The following BRINP1 variants were observed in gnomAD, a reference collection of about 807,000 sequenced individuals.
BRINP1 encodes BMP/retinoic acid-inducible neural-specific protein 1.
A neutral mutation model predicts 72.9 loss-of-function variants in BRINP1; 17 were observed. The ratio of observed to expected loss-of-function variants is 0.23; its 90% CI spans 0.16 to 0.35. The LOEUF (loss-of-function observed/expected upper bound fraction) is 0.35. Ranked by LOEUF, BRINP1 falls within the 10% of genes least tolerant of loss-of-function variation. BRINP1 has a pLI of 1.00. For missense variants in BRINP1, 850 were observed against 1,001.6 expected (o/e 0.85, Z 2.04); for synonymous variants, 418 against 378.5 (o/e 1.10, Z -1.21).
chr9:119,179,225 T>A (rs370912242), intron 7 of BRINP1, among the ~76,000 whole-genome samples: 2 of 152,314 alleles, frequency 1.3e-5, no homozygotes, highest in South Asian at 4.1e-4. Flanking sequence ...TTTAAAGTGC[T>A]TTTCTCTGTC....
chr9:119,239,943 G>T (rs1344251567), intron 4 of BRINP1, among the ~76,000 whole-genome samples: 7 of 152,052 alleles, frequency 4.6e-5, no homozygotes, highest in Non-Finnish European at 1.5e-5. Flanking sequence ...TGGTGAATGG[G>T]CAAAACTTCT....
At chr9:119,358,488 G>A (rs1423266977) in intron 1 of BRINP1, among the ~76,000 whole-genome samples, 2 of 151,896 alleles carry the variant, frequency 1.3e-5, no homozygotes, top group Non-Finnish European at 2.9e-5. Flanking sequence ...GAGGTCAGGA[G>A]TTCTAGACCA....
intron 6 of BRINP1, among the ~76,000 whole-genome samples, chr9:119,211,444 T>G (rs1829927018): frequency 6.6e-6 from 1 of 151,704 alleles, no homozygotes; most frequent in Non-Finnish European, 1.5e-5. Context: ...TGATCCGCCC[T>G]TCTTGGTCTC....
rs1335331934 is a variant in BRINP1, at chr9:119,243,373, G to T, written c.410-1157C>A. The stretch of plus-strand genomic sequence containing the variant: ...CCAGCTCCATACATGTCCCTGCAAA[G>T]GATATGATCTCATTCTTTTTTCGGG... On this transcript the variant is annotated intron_variant, in intron 3 of 7. Coordinates refer to ENST00000265922, the MANE Select transcript of BRINP1 (RefSeq NM_014618.3). Among the ~76,000 whole-genome samples the T allele has an allele frequency of 2.6e-5, 4 of 152,212 alleles. No individual in the cohort carries two copies. The East Asian group carries it at 7.7e-4, about 29-fold the overall frequency.
intron 1 of BRINP1, among the ~76,000 whole-genome samples, chr9:119,338,309 C>T (rs1831369659): frequency 6.8e-6 from 1 of 146,498 alleles, no homozygotes; most frequent in African/African-American, 2.5e-5. Flanking sequence ...GCCAGCTAAG[C>T]TTCATTGACC....
intron 6 of BRINP1, among the ~76,000 whole-genome samples, chr9:119,209,209 T>C (rs1484095884): frequency 6.6e-6 from 1 of 152,224 alleles, no homozygotes; most frequent in African/African-American, 2.4e-5. Context: ...ACCAACCTCA[T>C]AGTAATATTC....
intron 1 of BRINP1, among the ~76,000 whole-genome samples, chr9:119,333,374 GATCACT>G (rs1831319071): frequency 6.7e-6 from 1 of 149,880 alleles, no homozygotes; most frequent in Non-Finnish European, 1.5e-5. Flanking sequence ...GAGGTGAGAG[GATCACT>G]TGAGCCTGGG....
chr9:119,348,854 A>C (rs570356175), intron 1 of BRINP1, among the ~76,000 whole-genome samples: 6 of 152,330 alleles, frequency 3.9e-5, no homozygotes, highest in African/African-American at 1.4e-4. Context: ...ACCCATTAAT[A>C]AATAAATAAG....
At chr9:119,172,198 G>T (rs1241019495) in intron 7 of BRINP1, among the ~76,000 whole-genome samples, 2 of 152,128 alleles carry the variant, frequency 1.3e-5, no homozygotes, top group East Asian at 3.9e-4. Context: ...CCAGGAGCTG[G>T]TTTTTTGAAA....
chr9:119,257,275 T>G (rs950327978), intron 2 of BRINP1, among the ~76,000 whole-genome samples: 1 of 152,210 alleles, frequency 6.6e-6, no homozygotes, highest in Admixed American at 6.5e-5. Context: ...TGGTGGGAGA[T>G]GTTCTGAACA....
intron 5 of BRINP1, among the ~76,000 whole-genome samples, chr9:119,215,918 G>C (rs747304045): frequency 6.6e-5 from 10 of 152,184 alleles, no homozygotes; most frequent in Non-Finnish European, 1.5e-4. Flanking sequence ...TACTACCTAA[G>C]TCATCTCAAG....
At chr9:119,320,296 T>A (rs1384660760) in intron 1 of BRINP1, among the ~76,000 whole-genome samples, 1 of 152,150 alleles carries the variant, frequency 6.6e-6, no homozygotes, top group Admixed American at 6.5e-5. Flanking sequence ...TCTCATCAAA[T>A]GAACTGTGGA....
chr9:119,337,250 G>C (rs1434478694), intron 1 of BRINP1, among the ~76,000 whole-genome samples: 1 of 152,190 alleles, frequency 6.6e-6, no homozygotes, highest in Non-Finnish European at 1.5e-5. Context: ...AAAACCCACA[G>C]TCCAGGCAGT....
At chr9:119,168,604 T>TAAAC (rs1193352328) in intron 7 of BRINP1, among the ~76,000 whole-genome samples, 1 of 152,216 alleles carries the variant, frequency 6.6e-6, no homozygotes, top group Non-Finnish European at 1.5e-5. Flanking sequence ...CAACATATTG[T>TAAAC]AAACAATCAG....
Position 119,369,128 on chromosome 9 carries a change from A to G in BRINP1, c.-123T>C. 1 of 397,790 alleles carries G rather than the reference A, an allele frequency of 2.5e-6. No homozygotes were observed. Among genetic ancestry groups the G allele is most frequent in the Non-Finnish European group, 4.4e-6 (1 of 225,802 alleles). The allele number at this position is 397,790 out of a possible 1,614,324, so 24.6% of individuals were successfully genotyped here. ...TTATTCGGCTCGGTGGGAACTTGGG[A>G]GAGCCCTGCGTGCAGCTCGCATTCC... is the stretch of plus-strand genomic sequence containing the variant. On this transcript the variant is annotated 5_prime_UTR_variant, in exon 1 of 8. Transcript: ENST00000265922.
intron 1 of BRINP1, among the ~76,000 whole-genome samples, chr9:119,367,193 A>ATGTGTG (rs10656214): frequency 0.011 from 1,248 of 111,460 alleles, 23 homozygotes; most frequent in African/African-American, 0.036. Flanking sequence ...ATATGAACAC[A>ATGTGTG]TGTGTGTGTG....
chr9:119,356,737 G>C (rs1191454833), intron 1 of BRINP1, among the ~76,000 whole-genome samples: 1 of 151,622 alleles, frequency 6.6e-6, no homozygotes, highest in Non-Finnish European at 1.5e-5. Context: ...CCTGGGAGGC[G>C]GAGGTTGCAG....
chr9:119,356,737 G>A (rs1191454833), intron 1 of BRINP1, among the ~76,000 whole-genome samples: 2 of 151,622 alleles, frequency 1.3e-5, no homozygotes, highest in African/African-American at 2.4e-5. Context: ...CCTGGGAGGC[G>A]GAGGTTGCAG....
chr9:119,366,071 C>A (rs954026191), intron 1 of BRINP1, among the ~76,000 whole-genome samples: 7 of 152,108 alleles, frequency 4.6e-5, no homozygotes, highest in Admixed American at 3.3e-4. Context: ...ATGGGTCCTA[C>A]TCTTCACATG....
Sources: gnomAD v4.1 joint callset for allele counts (sites outside exome capture counted in the v4.1 genomes callset) on GRCh38, gnomAD v4.1.1 for gene constraint, MANE v1.5 for transcripts, NCBI Gene and HGNC (gene_info 2026-07-23, HGNC 2026-07-21) for gene names.